The following CPNE3 variants were observed in gnomAD, a reference collection of about 807,000 sequenced individuals.
CPNE3 encodes the protein copine-3.
In CPNE3, 68 loss-of-function variants were observed where a neutral mutation model predicts 63.9. The observed-to-expected ratio is 1.06, with a 90% CI of 0.87 to 1.30. CPNE3 has a LOEUF of 1.30. Ranked by LOEUF, CPNE3 falls within the 50% of genes most tolerant of loss-of-function variation. The pLI is 0.00. For missense variants in CPNE3, 665 were observed against 578.1 expected (o/e 1.15, Z -1.54); for synonymous variants, 219 against 197.5 (o/e 1.11, Z -0.91).
chr8:86,518,173 A>G (rs147832339), intron 2 of CPNE3, among the ~76,000 whole-genome samples: 6 of 152,324 alleles, frequency 3.9e-5, no homozygotes, highest in African/African-American at 1.4e-4. Flanking sequence ...TTGCCCAATT[A>G]AATATACATG....
At chr8:86,531,016 T>A in intron 4 of CPNE3, 139 bp from the exon 5 acceptor site, 1 of 614,816 alleles carries the variant, frequency 1.6e-6, no homozygotes, top group Non-Finnish European at 3.0e-6. Context: ...GATCTAAATC[T>A]TTAAGAAACC....
At chr8:86,532,195 A>G (rs1820698025) in intron 5 of CPNE3, among the ~76,000 whole-genome samples, 1 of 152,202 alleles carries the variant, frequency 6.6e-6, no homozygotes, top group South Asian at 2.1e-4. Flanking sequence ...GAACTTCAGT[A>G]TTGTGTAGAG....
intron 2 of CPNE3, among the ~76,000 whole-genome samples, chr8:86,526,317 T>A (rs907805398): frequency 6.6e-6 from 1 of 152,082 alleles, no homozygotes; most frequent in African/African-American, 2.4e-5. Context: ...CAATAGGAAT[T>A]CAAAGGAACA....
chr8:86,546,395 G>A (rs1050443143), intron 9 of CPNE3, among the ~76,000 whole-genome samples, 200 bp from the exon 10 acceptor site: 1 of 151,954 alleles, frequency 6.6e-6, no homozygotes, highest in African/African-American at 2.4e-5. Context: ...TTTTAGGAGT[G>A]CCTTAATTGT....
At position 86,531,189 on chromosome 8, in the gene CPNE3, T is replaced by C; in HGVS notation, c.347T>C (p.Val116Ala). The C allele has an allele frequency of 7.6e-7, 1 of 1,323,280 alleles. No homozygotes were observed. Among genetic ancestry groups the C allele is most frequent in the East Asian group, 2.3e-5 (1 of 43,530 alleles). 82.0% of individuals were successfully genotyped at this position (1,323,280 alleles called of 1,614,324 possible). A position where few individuals can be genotyped will look rare whatever the true frequency, so the allele number is the denominator to read the frequency against. ...AGCAAGAAGCTAACTCGACCACTGG[T>C]GATGAAAACTGGCAGACCTGCAGGA... ...VSSKKLTRPL[V>A]MKTGRPAGKG... Residue 116 changes from valine (V) to alanine (A), a missense_variant, in exon 5 of 17, where the codon GTG becomes GCG. Transcript: ENST00000517490.
At chr8:86,546,069 A>T (rs551622755) in intron 9 of CPNE3, among the ~76,000 whole-genome samples, 70 of 152,120 alleles carry the variant, frequency 4.6e-4, no homozygotes, top group Non-Finnish European at 6.0e-4. Context: ...AGGAGGTGTT[A>T]GATCAATTTT....
At chr8:86,523,463 G>C (rs1335748978) in intron 2 of CPNE3, among the ~76,000 whole-genome samples, 1 of 152,196 alleles carries the variant, frequency 6.6e-6, no homozygotes, top group Non-Finnish European at 1.5e-5. Context: ...TATATAGACG[G>C]AGTGATGAGC....
At position 86,544,839 on chromosome 8, in the gene CPNE3, G is replaced by A; in HGVS notation, c.732+1G>A. On this transcript the variant is annotated splice_donor_variant, in intron 9 of 16. Transcript: ENST00000517490. LOFTEE classifies it high-confidence loss of function. ...GAAAGAAGCCTCCAGAAGCTCACCT[G>A]TAAGTTACATCCTTGCATTTGCATA... 6.4e-7 allele frequency: 1 copy of A among 1,556,738 alleles called. No homozygotes were observed. The highest frequency in any genetic ancestry group is 8.8e-7 in the Non-Finnish European group (1 of 1,141,730).
At chr8:86,538,139 C>G (rs1304260993) in intron 7 of CPNE3, among the ~76,000 whole-genome samples, 1 of 152,144 alleles carries the variant, frequency 6.6e-6, no homozygotes, top group Non-Finnish European at 1.5e-5. Flanking sequence ...CTTTGGGAAG[C>G]CAAGGCAGGT....
chr8:86,549,959 T>C (rs1272016863), intron 12 of CPNE3, among the ~76,000 whole-genome samples: 1 of 152,218 alleles, frequency 6.6e-6, no homozygotes, highest in Non-Finnish European at 1.5e-5. Flanking sequence ...AGGTGTTCTA[T>C]TATTAAAGGA....
rs1820612184 is a variant in CPNE3 at position 86,529,109 on chromosome 8, A to C, written c.297A>C (p.Glu99Asp). The change falls in exon 4 of 17, where the codon GAA becomes GAC. Residue 99 changes from glutamate to aspartate, a missense_variant. By Grantham distance (45) the Glu-to-Asp change is conservative. Transcript: ENST00000517490. Reference protein sequence around the residue: ...LSDDDFLGECECTLGQIVSSK... With the variant: ...LSDDDFLGECDCTLGQIVSSK... ...ATGATGACTTCTTAGGGGAATGTGA[A>C]TGTACCCTTGGACAAGTAAGTATAA... The C allele has an allele frequency of 4.3e-6, 7 of 1,613,642 alleles. No homozygotes were observed. The highest frequency in any genetic ancestry group is 5.9e-6 in the Non-Finnish European group (7 of 1,179,744).
rs1001917165 is a variant in CPNE3 at position 86,558,486 on chromosome 8, C to T, written c.*76C>T. 72 of 857,948 alleles carry T rather than the reference C, an allele frequency of 8.4e-5. No homozygotes were observed. The highest frequency in any genetic ancestry group is 1.1e-4 in the Non-Finnish European group (55 of 489,968). The allele number at this position is 857,948 out of a possible 1,614,324, so 53.1% of individuals were successfully genotyped here. A position where few individuals can be genotyped will look rare whatever the true frequency, so the allele number is the denominator to read the frequency against. ...CCCAAATCGTGTATCTGTCATTCTA[C>T]GTACTTTTTACCCCCAGCATTTATG... On this transcript the variant is annotated 3_prime_UTR_variant, in exon 17 of 17. Coordinates refer to ENST00000517490, the MANE Select transcript of CPNE3 (RefSeq NM_003909.5).
chr8:86,553,858 A>T (rs1821250486), intron 14 of CPNE3: 1 of 151,274 alleles, frequency 6.6e-6, no homozygotes, highest in Non-Finnish European at 1.5e-5. Flanking sequence ...CTGTGATATT[A>T]AGGGCAGATT....
chr8:86,550,856 T>C (rs1821157861), intron 12 of CPNE3, 190 bp from the exon 13 acceptor site: 1 of 568,496 alleles, frequency 1.8e-6, no homozygotes, highest in Non-Finnish European at 2.9e-6. Flanking sequence ...TCTTCCTCAG[T>C]GCACAGAAAA....
intron 16 of CPNE3, among the ~76,000 whole-genome samples, chr8:86,557,755 T>C (rs566156491): frequency 1.9e-3 from 282 of 149,012 alleles, no homozygotes; most frequent in African/African-American, 5.3e-3. Context: ...CACACACACA[T>C]ACACACACAC....
chr8:86,522,547 G>GTTTT (rs1563684952), intron 2 of CPNE3, among the ~76,000 whole-genome samples: 6 of 69,908 alleles, frequency 8.6e-5, no homozygotes, highest in South Asian at 4.3e-4. Flanking sequence ...GACGCCCGCT[G>GTTTT]CTTTTTTTTT....
intron 2 of CPNE3, among the ~76,000 whole-genome samples, chr8:86,518,589 T>C (rs990395749): frequency 2.0e-5 from 3 of 152,190 alleles, no homozygotes; most frequent in African/African-American, 7.2e-5. Flanking sequence ...AGTGGGACAG[T>C]AGTGAGACAT....
intron 14 of CPNE3, among the ~76,000 whole-genome samples, chr8:86,554,536 T>C (rs1821268430): frequency 6.6e-6 from 1 of 152,248 alleles, no homozygotes; most frequent in African/African-American, 2.4e-5. Context: ...CATGGTTTTC[T>C]ATCAGAGCCA....
intron 2 of CPNE3, 54 bp from the exon 3 acceptor site, chr8:86,528,482 G>A (rs889752051): frequency 1.3e-6 from 2 of 1,594,838 alleles, no homozygotes; most frequent in Middle Eastern, 1.7e-4. Context: ...AGGAATGAGT[G>A]TGCTTCTTAA....
Sources: gnomAD v4.1 joint callset for allele counts (sites outside exome capture counted in the v4.1 genomes callset) on GRCh38, gnomAD v4.1.1 for gene constraint, MANE v1.5 for transcripts, NCBI Gene and HGNC (gene_info 2026-07-23, HGNC 2026-07-21) for gene names.